The following SNPH variants were observed in gnomAD, a reference collection of about 807,000 sequenced individuals.
SNPH encodes the protein syntaphilin.
In SNPH, 10 loss-of-function variants were observed where a neutral mutation model predicts 36.8. The ratio of observed to expected loss-of-function variants is 0.27; its 90% CI spans 0.17 to 0.46. The LOEUF (loss-of-function observed/expected upper bound fraction) is 0.46. Among genes scored for constraint, SNPH ranks in the 20% least tolerant of loss-of-function variants. The pLI, the probability that SNPH is intolerant of heterozygous loss-of-function variation, is 1.00. For missense variants in SNPH, 622 were observed against 744.0 expected, an observed-to-expected ratio of 0.84 and a Z score of 1.91; for synonymous variants, 281 against 312.2, an observed-to-expected ratio of 0.90 and a Z score of 1.05.
intron 2 of SNPH, among the ~76,000 whole-genome samples, chr20:1,292,119 T>C (rs2088369563): frequency 6.6e-6 from 1 of 152,248 alleles, no homozygotes; most frequent in Non-Finnish European, 1.5e-5. Context: ...TGATTGTGTT[T>C]GTTTTTATGA....
intron 2 of SNPH, among the ~76,000 whole-genome samples, chr20:1,279,828 C>T (rs998026360): frequency 1.3e-5 from 2 of 152,204 alleles, no homozygotes; most frequent in African/African-American, 4.8e-5. Context: ...GCCTGGCTGG[C>T]CCTTGATGCC....
chr20:1,308,636 C>G lies in SNPH; in HGVS notation c.*2582C>G, dbSNP rs1041417433. The G allele has an allele frequency of 6.6e-6, 1 of 152,638 alleles. No homozygotes were observed. The highest frequency in any genetic ancestry group is 3.4e-3 in the Middle Eastern group (1 of 296). The allele number at this position is 152,638 out of a possible 1,614,324, so 9.5% of individuals were successfully genotyped here. ...GGGCAAAGATGGGGCGGGGCCTCCC[C>G]CTGAGAGAGCTCACCCTCCACAGTG... is the stretch of plus-strand genomic sequence containing the variant. On this transcript the variant is annotated 3_prime_UTR_variant, in exon 7 of 7. Transcript: ENST00000381867.
At chr20:1,280,193 C>G (rs1241662959) in intron 2 of SNPH, among the ~76,000 whole-genome samples, 5 of 152,196 alleles carry the variant, frequency 3.3e-5, no homozygotes, top group African/African-American at 1.2e-4. Context: ...CTCAGCTCAT[C>G]AGCATCACAC....
intron 2 of SNPH, among the ~76,000 whole-genome samples, chr20:1,288,832 G>C (rs985553104): frequency 1.3e-5 from 2 of 152,080 alleles, no homozygotes; most frequent in Non-Finnish European, 2.9e-5. Flanking sequence ...ATGTTGGCCA[G>C]GCTGGTCTTG....
In SNPH at chr20:1,285,138, C is replaced by T. The variant is rs1356704355; in HGVS notation, c.-492-9813C>T. 6.6e-6 allele frequency among the ~76,000 whole-genome samples: 1 copy of T among 152,074 alleles called. No homozygotes were observed. Among genetic ancestry groups the T allele is most frequent in the East Asian group, 1.9e-4 (1 of 5,194 alleles). Reference sequence around the variant, plus strand: ...ATAGACGTGAGAGTGTTGGCCTACCCGACTGGAATGATGGGATTGCCATTA... The same window carrying T: ...ATAGACGTGAGAGTGTTGGCCTACCTGACTGGAATGATGGGATTGCCATTA... On this transcript the variant is annotated intron_variant, in intron 2 of 6. Transcript: ENST00000381867. This position sits in a 1 kb window ranked among gnomAD's most constrained non-coding sequence, Gnocchi z 4.9.
At position 1,305,954 on chromosome 20, in the gene SNPH, G is replaced by A. The variant is rs888779413; in HGVS notation, c.1517G>A (p.Arg506Gln). ...ATCTACAACATCAGCTCCCTGCTGCGGGGCTGCTGCACTGTGGCCTTGCAC... is the reference window on the plus strand; with the variant it reads ...ATCTACAACATCAGCTCCCTGCTGCAGGGCTGCTGCACTGTGGCCTTGCAC... ...QPIYNISSLLRGCCTVALHSI... is the reference protein window; with the variant it reads ...QPIYNISSLLQGCCTVALHSI... The change falls in exon 7 of 7, where the codon CGG (arginine) becomes CAG (glutamine). Residue 506 changes from arginine (R) to glutamine (Q), a missense_variant. By Grantham distance (43) the Arg-to-Gln change is conservative. This residue lies in a region of SNPH where 379 missense variants were observed against 427.9 expected (regional missense o/e 0.89). Transcript: ENST00000381867. The A allele has an allele frequency of 1.3e-6, 2 of 1,570,214 alleles. No individual in the cohort carries two copies. Among genetic ancestry groups the A allele is most frequent in the Admixed American group, 1.9e-5 (1 of 53,956 alleles).
intron 2 of SNPH, among the ~76,000 whole-genome samples, chr20:1,278,084 CTG>C (rs1209002781): frequency 1.8e-5 from 2 of 108,724 alleles, no homozygotes; most frequent in Non-Finnish European, 3.8e-5. Flanking sequence ...GTGTGTGTCT[CTG>C]TGTGTGCCTA....
intron 5 of SNPH, among the ~76,000 whole-genome samples, chr20:1,298,476 C>T (rs1293934796): frequency 1.3e-5 from 2 of 152,158 alleles, no homozygotes; most frequent in African/African-American, 4.8e-5. Context: ...GGACTCATGC[C>T]CCAGCATCCT....
rs1600240610 is a variant in SNPH, at chr20:1,266,425, G to A, written c.-600+28G>A. 5.9e-6 allele frequency: 3 copies of A among 506,684 alleles called. No homozygotes were observed. Among genetic ancestry groups the A allele is most frequent in the Admixed American group, 4.5e-5 (1 of 22,272 alleles). 31.4% of individuals were successfully genotyped at this position (506,684 alleles called of 1,614,324 possible). A position where few individuals can be genotyped will look rare whatever the true frequency, so the allele number is the denominator to read the frequency against. On this transcript the variant is annotated intron_variant, in intron 1 of 6. Coordinates refer to ENST00000381867, the MANE Select transcript of SNPH (RefSeq NM_001318234.2). The surrounding 1 kb of genome is among the most constrained non-coding windows in gnomAD (Gnocchi z 6.0). Reference sequence around the variant, plus strand: ...GATGACAAGGACCCCGGGGATCTCCGGGCCCACCGCCCAGCTGCACCCGCC... The same window carrying A: ...GATGACAAGGACCCCGGGGATCTCCAGGCCCACCGCCCAGCTGCACCCGCC...
chr20:1,305,790 G>C lies in SNPH; in HGVS notation c.1353G>C (p.Glu451Asp). 1 of 1,605,222 alleles carries C rather than the reference G, an allele frequency of 6.2e-7. No individual in the cohort carries two copies. The highest frequency in any genetic ancestry group is 1.7e-4 in the Middle Eastern group (1 of 6,044). Residue 451 changes from glutamate (E) to aspartate (D), a missense_variant, in exon 7 of 7, where the codon GAG (glutamate) becomes GAC (aspartate). Physicochemically the swap from Glu to Asp is conservative, Grantham distance 45. Transcript: ENST00000381867. ...SVSVVCPMEE[E>D]EEAAVAEKEP... ...GCGTGGTGTGCCCCATGGAAGAGGA[G>C]GAGGAGGCTGCCGTGGCTGAGAAGG... is the stretch of plus-strand genomic sequence containing the variant.
At chr20:1,297,909 G>A (rs2088459820) in intron 5 of SNPH, among the ~76,000 whole-genome samples, 1 of 152,242 alleles carries the variant, frequency 6.6e-6, no homozygotes, top group South Asian at 2.1e-4. Flanking sequence ...CTTTGAGAGT[G>A]GCAGAGGTGG....
chr20:1,303,780 C>T (rs2088532934), intron 6 of SNPH, among the ~76,000 whole-genome samples: 1 of 152,170 alleles, frequency 6.6e-6, no homozygotes, highest in Non-Finnish European at 1.5e-5. Flanking sequence ...GGTCATTCTG[C>T]TGGGCTGATG....
chr20:1,282,732 CGG>C (rs2088240297), intron 2 of SNPH, among the ~76,000 whole-genome samples: 2 of 152,128 alleles, frequency 1.3e-5, no homozygotes, highest in African/African-American at 4.8e-5. Flanking sequence ...TTATAACATA[CGG>C]GAAAGAAATT....
intron 5 of SNPH, among the ~76,000 whole-genome samples, chr20:1,300,224 C>G (rs2122424582): frequency 6.6e-6 from 1 of 152,306 alleles, no homozygotes; most frequent in South Asian, 2.1e-4. Context: ...TGAAGACAGT[C>G]CCTACTTCAG....
At position 1,277,842 on chromosome 20, in the gene SNPH, AGT is replaced by A. The variant is rs1360823606; in HGVS notation, c.-493+11091_-493+11092del. 8.1e-3 allele frequency among the ~76,000 whole-genome samples: 332 copies of A among 40,766 alleles called. 2 individuals are homozygous for A. The highest frequency in any genetic ancestry group is 0.013 in the Non-Finnish European group (262 of 20,128). 26.7% of individuals were successfully genotyped at this position (40,766 alleles called of 152,430 possible). On this transcript the variant is annotated intron_variant, in intron 2 of 6. Transcript: ENST00000381867. ...GTGTGTCTGTGTATCTGTGTGTGTCAGTGTGTGTGTCCGTGTGTGTGCCTGTG... is the reference window on the plus strand; with the variant it reads ...GTGTGTCTGTGTATCTGTGTGTGTCAGTGTGTGTCCGTGTGTGTGCCTGTG...
At position 1,305,232 on chromosome 20, in the gene SNPH, G is replaced by C. The variant is rs758979785; in HGVS notation, c.795G>C (p.Pro265=). Residue 265 remains proline (P), a synonymous_variant, in exon 7 of 7, where the codon CCG becomes CCC. Transcript: ENST00000381867. ...RSSTYTKLSD[P]AVCGDRQPGD... is the part of the protein sequence containing the mutation. ...CCACCTACACCAAGCTGAGTGACCC[G>C]GCTGTCTGTGGTGACCGCCAGCCGG... The C allele has an allele frequency of 6.2e-7, 1 of 1,611,034 alleles. No homozygotes were observed.
rs534180586 is a variant in SNPH, at chr20:1,266,785, G to T, written c.-493+25G>T. The T allele has an allele frequency of 2.2e-6, 3 of 1,341,266 alleles. No individual in the cohort carries two copies. Among genetic ancestry groups the T allele is most frequent in the South Asian group, 2.0e-5 (1 of 50,942 alleles). The allele number at this position is 1,341,266 out of a possible 1,614,324, so 83.1% of individuals were successfully genotyped here. ...GGTGAGGAGGCCGCGGCGGAGCGGG[G>T]AGCTGGCCCTGCGCTGCACCGCGGC... On this transcript the variant is annotated intron_variant, in intron 2 of 6. Transcript: ENST00000381867. The surrounding 1 kb of genome is among the most constrained non-coding windows in gnomAD (Gnocchi z 6.0).
Position 1,266,851 on chromosome 20 carries a change from C to T in SNPH, c.-493+91C>T. 7.7e-7 allele frequency: 1 copy of T among 1,296,372 alleles called. No homozygotes were observed. Among genetic ancestry groups the T allele is most frequent in the Non-Finnish European group, 9.8e-7 (1 of 1,022,620 alleles). 80.3% of individuals were successfully genotyped at this position (1,296,372 alleles called of 1,614,324 possible). On this transcript the variant is annotated intron_variant, in intron 2 of 6. Transcript: ENST00000381867. This position sits in a 1 kb window ranked among gnomAD's most constrained non-coding sequence, Gnocchi z 6.0. ...GCAACCGCTCGCTGCGGTAGAATCC[C>T]TTGGAGGGCACCAGCCTAAGAGGGG...
intron 2 of SNPH, among the ~76,000 whole-genome samples, chr20:1,279,059 C>T (rs890196817): frequency 3.3e-5 from 5 of 152,196 alleles, no homozygotes; most frequent in African/African-American, 1.2e-4. Flanking sequence ...TGGACATACA[C>T]TTTCCTATTT....
Sources: gnomAD v4.1 joint callset for allele counts (sites outside exome capture counted in the v4.1 genomes callset) on GRCh38, gnomAD v4.1.1 for gene constraint, gnomAD v4.1.1 regional missense constraint, Gnocchi (gnomAD v3.1) non-coding constraint, MANE v1.5 for transcripts, NCBI Gene and HGNC (gene_info 2026-07-23, HGNC 2026-07-21) for gene names.